SGCZ: variants seen among roughly 807,000 people sequenced by gnomAD.
The protein encoded by SGCZ is sarcoglycan zeta, also known as zeta-sarcoglycan.
A neutral mutation model predicts 41.3 loss-of-function variants in SGCZ; 40 were observed. The observed-to-expected ratio is 0.97, with a 90% CI of 0.75 to 1.26. The LOEUF (loss-of-function observed/expected upper bound fraction) is 1.26, where lower values mean the gene tolerates loss of function less well. Among genes scored for constraint, SGCZ ranks in the 50% most tolerant of loss-of-function variants. The probability of loss-of-function intolerance (pLI) is 0.00; values close to 1 mark genes in which losing one functional copy is unlikely to be tolerated. For synonymous variants in SGCZ, 206 were observed against 137.5 expected (o/e 1.50, Z -3.49); for missense variants, 552 against 369.8 (o/e 1.49, Z -4.04).
At chr8:14,374,013 G>A (rs1047637010) in intron 2 of SGCZ, among the ~76,000 whole-genome samples, 5 of 152,178 alleles carry the variant, frequency 3.3e-5, no homozygotes, top group South Asian at 2.1e-4. Flanking sequence ...ATATATTAAC[G>A]ATTTTAAAAA....
intron 2 of SGCZ, among the ~76,000 whole-genome samples, chr8:14,526,664 A>T (rs576806208): frequency 2.0e-5 from 3 of 152,240 alleles, no homozygotes; most frequent in South Asian, 4.1e-4. Context: ...TACTCAGGGC[A>T]TATTTCAGTA....
intron 1 of SGCZ, among the ~76,000 whole-genome samples, chr8:15,184,144 T>A (rs1340173222): frequency 6.6e-6 from 1 of 152,256 alleles, no homozygotes; most frequent in Non-Finnish European, 1.5e-5. Context: ...AAACATTTAA[T>A]TCTCCTTAAT....
intron 1 of SGCZ, among the ~76,000 whole-genome samples, chr8:15,101,784 G>T (rs1806623645): frequency 6.6e-6 from 1 of 152,144 alleles, no homozygotes; most frequent in South Asian, 2.1e-4. Context: ...ATAAAAATTA[G>T]CTGGGCATGG....
intron 2 of SGCZ, among the ~76,000 whole-genome samples, chr8:14,472,779 T>C (rs1379482316): frequency 6.6e-6 from 1 of 152,164 alleles, no homozygotes; most frequent in East Asian, 1.9e-4. Context: ...GTAGAATAGT[T>C]TAAAAACTAA....
chr8:14,317,719 A>G (rs1801764652), intron 3 of SGCZ, among the ~76,000 whole-genome samples: 1 of 151,976 alleles, frequency 6.6e-6, no homozygotes, highest in South Asian at 2.1e-4. Flanking sequence ...AAGGGGACTC[A>G]ATACTGTCAG....
chr8:14,100,630 C>A (rs1375593454), intron 7 of SGCZ, among the ~76,000 whole-genome samples: 2 of 147,250 alleles, frequency 1.4e-5, no homozygotes, highest in Admixed American at 6.8e-5. Context: ...AATATATTTT[C>A]AAAATATTAT....
intron 2 of SGCZ, among the ~76,000 whole-genome samples, chr8:14,494,395 C>A (rs1585591281): frequency 6.6e-6 from 1 of 151,964 alleles, no homozygotes. Flanking sequence ...ATGTCAGAAT[C>A]CCATGAGCCA....
intron 5 of SGCZ, among the ~76,000 whole-genome samples, chr8:14,119,043 G>A (rs1006499426): frequency 2.0e-5 from 3 of 152,036 alleles, no homozygotes; most frequent in African/African-American, 7.2e-5. Context: ...TTGGCTACGT[G>A]GGCTCTTTTT....
chr8:14,887,629 G>A (rs1009626701), intron 1 of SGCZ, among the ~76,000 whole-genome samples: 2 of 151,972 alleles, frequency 1.3e-5, no homozygotes, highest in Non-Finnish European at 2.9e-5. Flanking sequence ...TAAAAACTAT[G>A]AATAATTTTG....
At chr8:15,122,557 G>C (rs1319227268) in intron 1 of SGCZ, among the ~76,000 whole-genome samples, 1 of 152,024 alleles carries the variant, frequency 6.6e-6, no homozygotes, top group Admixed American at 6.6e-5. Context: ...TATTTTAATA[G>C]CCCAATGTCT....
chr8:14,338,047 C>T (rs200549295), intron 2 of SGCZ, among the ~76,000 whole-genome samples: 1 of 152,090 alleles, frequency 6.6e-6, no homozygotes, highest in Non-Finnish European at 1.5e-5. Flanking sequence ...TGGTAGCAGG[C>T]AAGATATCAA....
chr8:14,445,788 G>A (rs1372911455), intron 2 of SGCZ, among the ~76,000 whole-genome samples: 1 of 152,160 alleles, frequency 6.6e-6, no homozygotes, highest in Non-Finnish European at 1.5e-5. Context: ...GCAGACAGTG[G>A]AGTTAGGAGA....
At chr8:15,154,580 G>C (rs903245394) in intron 1 of SGCZ, among the ~76,000 whole-genome samples, 1 of 152,214 alleles carries the variant, frequency 6.6e-6, no homozygotes, top group African/African-American at 2.4e-5. Context: ...ATATATCATA[G>C]AGGCAGAAAC....
intron 2 of SGCZ, among the ~76,000 whole-genome samples, chr8:14,424,258 A>G (rs1201232086): frequency 2.6e-5 from 4 of 152,160 alleles, no homozygotes; most frequent in African/African-American, 4.8e-5. Flanking sequence ...GCTTCTCTGC[A>G]ATGTTAGGTG....
chr8:15,041,953 C>T (rs751942687), intron 1 of SGCZ, among the ~76,000 whole-genome samples: 2 of 152,112 alleles, frequency 1.3e-5, no homozygotes, highest in Non-Finnish European at 2.9e-5. Context: ...TACCATACAA[C>T]ACAACGCTGT....
intron 1 of SGCZ, among the ~76,000 whole-genome samples, chr8:15,021,098 T>A (rs1168033599): frequency 2.6e-5 from 4 of 152,296 alleles, no homozygotes; most frequent in Middle Eastern, 3.4e-3. Flanking sequence ...ATTAACAAAA[T>A]GCCCCAACAA....
At chr8:14,442,264 T>C (rs1037790550) in intron 2 of SGCZ, among the ~76,000 whole-genome samples, 4 of 152,182 alleles carry the variant, frequency 2.6e-5, no homozygotes, top group Non-Finnish European at 5.9e-5. Context: ...GCCCGTGATA[T>C]TCTCGTGATA....
At chr8:14,278,687 A>G (rs546366602) in intron 3 of SGCZ, among the ~76,000 whole-genome samples, 49 of 152,280 alleles carry the variant, frequency 3.2e-4, no homozygotes, top group Admixed American at 9.8e-4. Flanking sequence ...ATTTGATATA[A>G]TCTTTCTAGT....
At chr8:14,122,170 G>T (rs1266249763) in intron 5 of SGCZ, among the ~76,000 whole-genome samples, 3 of 152,176 alleles carry the variant, frequency 2.0e-5, no homozygotes, top group African/African-American at 7.2e-5. Flanking sequence ...CCAGCTACTC[G>T]GGAGGCTGAG....
Sources: gnomAD v4.1 joint callset for allele counts (sites outside exome capture counted in the v4.1 genomes callset) on GRCh38, gnomAD v4.1.1 for gene constraint, MANE v1.5 for transcripts, NCBI Gene and HGNC (gene_info 2026-07-23, HGNC 2026-07-21) for gene names.